Variants in SHISA9 observed in about 807,000 individuals in gnomAD.
The protein encoded by SHISA9 is shisa family member 9.
A neutral mutation model predicts 38.0 loss-of-function variants in SHISA9; 13 were observed. That is an observed-to-expected ratio of 0.34 (90% CI 0.22 to 0.54). The LOEUF is 0.54. SHISA9 is among the 20% of genes least tolerant of loss of function. The pLI is 0.91. For missense variants in SHISA9, 538 were observed against 575.8 expected (o/e 0.93, Z 0.67); for synonymous variants, 275 against 242.0 (o/e 1.14, Z -1.27).
intron 2 of SHISA9, among the ~76,000 whole-genome samples, chr16:13,152,879 G>A (rs1170222116): frequency 2.6e-5 from 4 of 152,222 alleles, no homozygotes; most frequent in Non-Finnish European, 5.9e-5. Flanking sequence ...TAAAATTAAA[G>A]TTGCTAATCA....
chr16:13,260,003 C>CTTTTTTT, the SHISA9 span, among the ~76,000 whole-genome samples: 4 of 59,364 alleles, frequency 6.7e-5, no homozygotes, highest in African/African-American at 1.1e-4. Flanking sequence ...TCTTTTCTTT[C>CTTTTTTT]TTTCTTTTTT....
At chr16:13,362,021 C>T in the SHISA9 span, among the ~76,000 whole-genome samples, 1 of 152,060 alleles carries the variant, frequency 6.6e-6, no homozygotes, top group Non-Finnish European at 1.5e-5. Flanking sequence ...TTGAGTGATT[C>T]ACTTAACATT....
At chr16:13,211,754 G>T (rs1417716389) in intron 3 of SHISA9, among the ~76,000 whole-genome samples, 1 of 152,224 alleles carries the variant, frequency 6.6e-6, no homozygotes, top group African/African-American at 2.4e-5. Context: ...AATGGGAACA[G>T]AGGTGACAAA....
the SHISA9 span, among the ~76,000 whole-genome samples, chr16:13,311,971 C>A: frequency 6.6e-6 from 1 of 152,158 alleles, no homozygotes; most frequent in African/African-American, 2.4e-5. Flanking sequence ...TATTATTTTT[C>A]TCCTGAGAAA....
chr16:12,951,144 C>A (rs770010042), intron 2 of SHISA9, among the ~76,000 whole-genome samples: 1 of 135,360 alleles, frequency 7.4e-6, no homozygotes, highest in Non-Finnish European at 1.5e-5. Flanking sequence ...TTGCTTGAAC[C>A]CAGGAGGTGG....
chr16:13,242,375 C>T (rs948559458), downstream of SHISA9, among the ~76,000 whole-genome samples: 6 of 152,190 alleles, frequency 3.9e-5, no homozygotes, highest in African/African-American at 1.4e-4. Context: ...AACAAGCTCC[C>T]TGTCATTGCA....
chr16:13,459,773 A>G, the SHISA9 span, among the ~76,000 whole-genome samples: 1 of 152,202 alleles, frequency 6.6e-6, no homozygotes, highest in Non-Finnish European at 1.5e-5. Context: ...ACTTAGAAGC[A>G]AAGGACAAAA....
the SHISA9 span, among the ~76,000 whole-genome samples, chr16:13,258,935 G>A: frequency 1.3e-5 from 2 of 152,124 alleles, no homozygotes; most frequent in African/African-American, 2.4e-5. Context: ...CCAATCTCAT[G>A]TCTTCACATT....
At chr16:13,225,098 C>G (rs2051266076) in intron 4 of SHISA9, among the ~76,000 whole-genome samples, 1 of 152,094 alleles carries the variant, frequency 6.6e-6, no homozygotes, top group South Asian at 2.1e-4. Context: ...CACATAAACA[C>G]ACGCACACAC....
chr16:13,157,465 C>G (rs866357481), intron 2 of SHISA9, among the ~76,000 whole-genome samples: 1 of 152,202 alleles, frequency 6.6e-6, no homozygotes, highest in Admixed American at 6.5e-5. Context: ...CTTAGCCTTT[C>G]TGTCCCCCAG....
intron 2 of SHISA9, among the ~76,000 whole-genome samples, chr16:13,189,846 G>A (rs1226759830): frequency 6.6e-6 from 1 of 152,154 alleles, no homozygotes; most frequent in Non-Finnish European, 1.5e-5. Context: ...AGTAAAGAAG[G>A]CTGCCTCTCA....
At chr16:13,216,213 G>C (rs113913372) in intron 4 of SHISA9, among the ~76,000 whole-genome samples, 7 of 122,618 alleles carry the variant, frequency 5.7e-5, no homozygotes, top group Non-Finnish European at 9.9e-5. Flanking sequence ...AAAAGAGAGA[G>C]ACAATTTGGA....
chr16:13,426,847 G>A, the SHISA9 span, among the ~76,000 whole-genome samples: 2 of 152,240 alleles, frequency 1.3e-5, no homozygotes, highest in African/African-American at 4.8e-5. Context: ...TCAGCTGCAA[G>A]TATCACCAAG....
At chr16:13,420,245 C>CAAAAAGAAAAA in the SHISA9 span, among the ~76,000 whole-genome samples, 1 of 50,392 alleles carries the variant, frequency 2.0e-5, no homozygotes, top group African/African-American at 8.1e-5. Flanking sequence ...GAATCTGTTT[C>CAAAAAGAAAAA]AAAAAAAAAA....
the SHISA9 span, among the ~76,000 whole-genome samples, chr16:13,504,815 C>T: frequency 0.011 from 1,601 of 152,260 alleles, 32 homozygotes; most frequent in African/African-American, 0.037. Context: ...TTGTTCTCGT[C>T]TGTGATTCAA....
the SHISA9 span, among the ~76,000 whole-genome samples, chr16:13,319,209 G>A: frequency 5.9e-5 from 9 of 152,036 alleles, no homozygotes; most frequent in South Asian, 4.2e-4. Flanking sequence ...GGGTTTCACC[G>A]TATTGGCCAG....
chr16:13,259,805 C>T, the SHISA9 span, among the ~76,000 whole-genome samples: 5 of 151,902 alleles, frequency 3.3e-5, no homozygotes, highest in South Asian at 1.0e-3. Context: ...CATGGGCACC[C>T]TGGGCCCAGC....
chr16:12,983,414 T>C (rs756661915), intron 2 of SHISA9, among the ~76,000 whole-genome samples: 1 of 152,216 alleles, frequency 6.6e-6, no homozygotes, highest in Non-Finnish European at 1.5e-5. Flanking sequence ...AGGGAAAGCA[T>C]TCAGCACTGC....
the SHISA9 span, among the ~76,000 whole-genome samples, chr16:13,415,463 T>C: frequency 1.3e-5 from 2 of 152,064 alleles, no homozygotes; most frequent in Middle Eastern, 3.2e-3. Flanking sequence ...AGGGAGAAGA[T>C]CAGGAAAAAT....
Sources: allele counts gnomAD v4.1 joint callset (sites outside exome capture counted in the v4.1 genomes callset), GRCh38; gene constraint gnomAD v4.1.1; transcripts MANE v1.5; gene names NCBI Gene and HGNC (gene_info 2026-07-23, HGNC 2026-07-21).